Variants in INTS4 observed in about 807,000 individuals in gnomAD.
The protein encoded by INTS4 is integrator complex subunit 4, also known as MSTP093.
A neutral mutation model predicts 119.5 loss-of-function variants in INTS4; 70 were observed. That is an observed-to-expected ratio of 0.59 (90% CI 0.48 to 0.71). The LOEUF is 0.71. INTS4 is among the 30% of genes least tolerant of loss of function. The probability of loss-of-function intolerance (pLI) is 0.00; values close to 1 mark genes in which losing one functional copy is unlikely to be tolerated. For missense variants in INTS4, 867 were observed against 1,173.2 expected, an observed-to-expected ratio of 0.74 and a Z score of 3.81; for synonymous variants, 316 against 419.6, an observed-to-expected ratio of 0.75 and a Z score of 3.02.
chr11:77,879,346 G>C (rs1180882876), intron 22 of INTS4, among the ~76,000 whole-genome samples: 1 of 152,194 alleles, frequency 6.6e-6, no homozygotes, highest in Non-Finnish European at 1.5e-5. Flanking sequence ...CAGAGCCAAA[G>C]CTGCTGAGGC....
chr11:77,921,199 G>A (rs1169006326), intron 14 of INTS4, 141 bp downstream of exon 14: 1 of 740,024 alleles, frequency 1.4e-6, no homozygotes, highest in Admixed American at 2.6e-5. Flanking sequence ...GGGAGGCTGA[G>A]CCAGGAGGAT....
At chr11:77,970,808 G>A (rs890604754) in intron 4 of INTS4, among the ~76,000 whole-genome samples, 28 of 151,924 alleles carry the variant, frequency 1.8e-4, no homozygotes, top group African/African-American at 6.3e-4. Context: ...TCTCATTGTG[G>A]GTTTTTTGTT....
At chr11:77,957,563 C>T (rs1954360370) in intron 7 of INTS4, among the ~76,000 whole-genome samples, 1 of 150,338 alleles carries the variant, frequency 6.7e-6, no homozygotes, top group South Asian at 2.1e-4. Flanking sequence ...AAAAAAAGTA[C>T]GTAACCCACC....
chr11:77,908,936 G>A (rs1455790635), intron 15 of INTS4, among the ~76,000 whole-genome samples: 2 of 152,278 alleles, frequency 1.3e-5, no homozygotes, highest in East Asian at 3.9e-4. Context: ...TTTTGTTCAA[G>A]GGAACATGTC....
chr11:77,918,901 C>T lies in INTS4; in HGVS notation c.1842G>A (p.Leu614=). Residue 614 remains leucine (L), a synonymous_variant, in exon 15 of 23, where the codon CTG becomes CTA. Coordinates refer to ENST00000534064, the MANE Select transcript of INTS4 (RefSeq NM_033547.4). ...TATACACTCTTTCAAGGCTCTGCTG[C>T]AGGAACTGCTGGGAAGGATCCTCTT... The part of the protein sequence containing the change: ...IPQEDPSQQF[L]QQSLERVYSL... The T allele has an allele frequency of 1.2e-6, 2 of 1,613,990 alleles. No individual in the cohort carries two copies. Among genetic ancestry groups the T allele is most frequent in the Non-Finnish European group, 1.7e-6 (2 of 1,179,872 alleles).
intron 2 of INTS4, among the ~76,000 whole-genome samples, chr11:77,988,749 T>G (rs958297840): frequency 1.2e-4 from 18 of 152,236 alleles, no homozygotes; most frequent in African/African-American, 3.9e-4. Flanking sequence ...CCTATAGATC[T>G]AACTTTCAGT....
chr11:77,912,610 T>G (rs761083333), intron 15 of INTS4, among the ~76,000 whole-genome samples: 30 of 152,242 alleles, frequency 2.0e-4, no homozygotes, highest in Non-Finnish European at 4.1e-4. Context: ...GTAGTTTATT[T>G]TTTTCAATCT....
chr11:77,956,338 G>A (rs189280080), intron 7 of INTS4, among the ~76,000 whole-genome samples: 4 of 152,298 alleles, frequency 2.6e-5, no homozygotes, highest in Admixed American at 2.6e-4. Context: ...TTTAGCTCTG[G>A]AGGTGAAGGT....
In INTS4 at chr11:77,994,596, C is replaced by T; in HGVS notation, c.48G>A (p.Val16=). 6.2e-7 allele frequency: 1 copy of T among 1,613,026 alleles called. No homozygotes were observed. Among genetic ancestry groups the T allele is most frequent in the Non-Finnish European group, 8.5e-7 (1 of 1,178,924 alleles). Residue 16 remains valine, a synonymous_variant, in exon 1 of 23, where the codon GTG becomes GTA. Coordinates refer to ENST00000534064, the MANE Select transcript of INTS4 (RefSeq NM_033547.4). ...KKRVYEEFTK[V]VQPQEEIATK... is the part of the protein sequence containing the mutation. ...CTTTCCCGCCAGAGCTTACCTGAAC[C>T]ACTTTCGTGAATTCCTCATAAACCC... is the stretch of plus-strand genomic sequence containing the variant.
chr11:77,905,532 C>T (rs11605955), intron 16 of INTS4, among the ~76,000 whole-genome samples: 28,246 of 151,818 alleles, frequency 0.19, 2,700 homozygotes, highest in Middle Eastern at 0.24. Context: ...AATCTGACTC[C>T]ATGAAAGTGC....
At position 77,904,160 on chromosome 11, in the gene INTS4, C is replaced by A. The variant is rs553475527; in HGVS notation, c.2017-540G>T. 3.3e-5 allele frequency among the ~76,000 whole-genome samples: 5 copies of A among 152,344 alleles called. No individual in the cohort carries two copies. The East Asian group carries it at 9.6e-4, about 29-fold the overall frequency. The stretch of plus-strand genomic sequence containing the variant: ...TAAGAGCCATGATTTTACCTTCCAT[C>A]TCTCTCCTCACCTATCCATCCACAT... On this transcript the variant is annotated intron_variant, in intron 16 of 22. Transcript: ENST00000534064.
rs1342870166 is a variant in INTS4 at position 77,948,123 on chromosome 11, A to C, written c.919-6872T>G. On this transcript the variant is annotated intron_variant, in intron 8 of 22. Transcript: ENST00000534064. ...CTCAGCCTCCCAAAGTGCTGGGATA[A>C]TAGGCAAGAGCCACCACACCAGCCT... Among the ~76,000 whole-genome samples, 3 of 152,160 alleles carry C rather than the reference A, an allele frequency of 2.0e-5. No individual in the cohort carries two copies. In the East Asian group the frequency reaches 5.8e-4, roughly 29 times the overall value.
downstream of INTS4, among the ~76,000 whole-genome samples, chr11:77,874,412 T>C (rs1590983553): frequency 6.6e-6 from 1 of 150,734 alleles, no homozygotes; most frequent in African/African-American, 2.4e-5. Flanking sequence ...GTGAGACAGC[T>C]CTGGTGGGTG....
At chr11:77,905,350 G>C (rs1565235372) in intron 16 of INTS4, among the ~76,000 whole-genome samples, 1 of 151,992 alleles carries the variant, frequency 6.6e-6, no homozygotes, top group Non-Finnish European at 1.5e-5. Flanking sequence ...CCAGCTACTT[G>C]GGAGACTGAG....
At chr11:77,892,326 G>A (rs1051109051) in intron 19 of INTS4, among the ~76,000 whole-genome samples, 6 of 152,092 alleles carry the variant, frequency 3.9e-5, no homozygotes, top group African/African-American at 1.2e-4. Context: ...AGTTAAGTAC[G>A]TTACTCCTGG....
chr11:77,894,713 G>T (rs1952436141), intron 18 of INTS4, among the ~76,000 whole-genome samples: 1 of 152,138 alleles, frequency 6.6e-6, no homozygotes, highest in Non-Finnish European at 1.5e-5. Context: ...AGCTAGTATG[G>T]TCTCTATACC....
chr11:77,937,540 T>TA (rs1369220079), intron 10 of INTS4, among the ~76,000 whole-genome samples: 2 of 152,120 alleles, frequency 1.3e-5, no homozygotes, highest in Non-Finnish European at 2.9e-5. Flanking sequence ...GCCCAGGAGT[T>TA]AAAGACTGGC....
At position 77,938,721 on chromosome 11, in the gene INTS4, G is replaced by A. The variant is rs7932343; in HGVS notation, c.1095C>T (p.Thr365=). 5.8e-4 allele frequency: 935 copies of A among 1,611,866 alleles called. 3 individuals carry two copies. In the African/African-American group the frequency reaches 0.011, roughly 18 times the overall value. Residue 365 remains threonine (T), a synonymous_variant, in exon 10 of 23, where the codon ACC becomes ACT. Transcript: ENST00000534064. ...CTGACTCAATCAAGTTCACAGCCCC[G>A]GTATCTACTTCTTCCTTGGGAGCAT... ...GDDAPKEEVD[T]GAVNLIESGA...
At chr11:77,877,849 T>C (rs1248613581), downstream of INTS4, among the ~76,000 whole-genome samples, 1 of 151,918 alleles carries the variant, frequency 6.6e-6, no homozygotes, top group Non-Finnish European at 1.5e-5. Context: ...AATCCCAAAG[T>C]CCTGGGATTA....
Sources: allele counts gnomAD v4.1 joint callset (sites outside exome capture counted in the v4.1 genomes callset), GRCh38; gene constraint gnomAD v4.1.1; transcripts MANE v1.5; gene names NCBI Gene and HGNC (gene_info 2026-07-23, HGNC 2026-07-21).